MEIS2: variants seen among roughly 807,000 people sequenced by gnomAD.
MEIS2 encodes the protein homeobox protein Meis2.
In MEIS2, 9 loss-of-function variants were observed where a neutral mutation model predicts 58.6. That is an observed-to-expected ratio of 0.15 (90% confidence interval 0.09 to 0.27). MEIS2 has a LOEUF of 0.27. Among genes scored for constraint, MEIS2 ranks in the 10% least tolerant of loss-of-function variants. MEIS2 has a pLI of 1.00. For missense variants in MEIS2, 427 were observed against 635.0 expected (o/e 0.67, Z 3.52); for synonymous variants, 221 against 228.4 (o/e 0.97, Z 0.29).
At chr15:37,055,838 T>C (rs1433273231) in intron 7 of MEIS2, among the ~76,000 whole-genome samples, 1 of 152,202 alleles carries the variant, frequency 6.6e-6, no homozygotes, top group Non-Finnish European at 1.5e-5. Flanking sequence ...TCCCAGTGGT[T>C]ATTTAGGTGC....
chr15:37,041,831 G>C (rs531737319), intron 7 of MEIS2, among the ~76,000 whole-genome samples: 1 of 152,142 alleles, frequency 6.6e-6, no homozygotes, highest in East Asian at 1.9e-4. Context: ...TTTAAAAAAA[G>C]CTTAAAAAAA....
intron 7 of MEIS2, among the ~76,000 whole-genome samples, chr15:37,063,531 G>T (rs146353637): frequency 2.0e-4 from 31 of 152,274 alleles, no homozygotes; most frequent in African/African-American, 7.0e-4. Context: ...AGCTTATGAG[G>T]ATTAAATTAT....
chr15:36,977,584 T>C (rs2059799891), intron 8 of MEIS2, among the ~76,000 whole-genome samples: 1 of 152,180 alleles, frequency 6.6e-6, no homozygotes, highest in Admixed American at 6.5e-5. Flanking sequence ...TGTAGTAAAG[T>C]ATTTAATAGC....
At chr15:37,086,242 C>T (rs552298505) in intron 6 of MEIS2, among the ~76,000 whole-genome samples, 39 of 152,170 alleles carry the variant, frequency 2.6e-4, no homozygotes, top group South Asian at 6.2e-4. Context: ...TATATGAAGC[C>T]GGAGCAAGTC....
At chr15:36,996,001 ATG>A (rs1292078980) in intron 8 of MEIS2, among the ~76,000 whole-genome samples, 30 of 102,784 alleles carry the variant, frequency 2.9e-4, no homozygotes, top group East Asian at 2.3e-3. Context: ...ATATATATAT[ATG>A]TATATATATA....
chr15:37,040,058 T>G (rs1418074982), intron 7 of MEIS2, among the ~76,000 whole-genome samples: 1 of 150,510 alleles, frequency 6.6e-6, no homozygotes, highest in African/African-American at 2.4e-5. Context: ...TTTTTTTTTT[T>G]TTGTTTTAAG....
chr15:37,034,911 A>C (rs553708881), intron 8 of MEIS2, among the ~76,000 whole-genome samples: 16 of 152,146 alleles, frequency 1.1e-4, no homozygotes, highest in Non-Finnish European at 1.6e-4. Context: ...ACCTTCAGCT[A>C]GTAACTTCCC....
intron 9 of MEIS2, among the ~76,000 whole-genome samples, chr15:36,910,870 C>A (rs911666914): frequency 6.6e-6 from 1 of 152,022 alleles, no homozygotes; most frequent in Non-Finnish European, 1.5e-5. Flanking sequence ...CATAGTGAAA[C>A]CCTGTCTCTA....
At chr15:37,031,236 C>A (rs1312505917) in intron 8 of MEIS2, among the ~76,000 whole-genome samples, 5 of 152,202 alleles carry the variant, frequency 3.3e-5, no homozygotes, top group South Asian at 2.1e-4. Flanking sequence ...GGCTCAAGAT[C>A]AAAAATCTAC....
intron 7 of MEIS2, among the ~76,000 whole-genome samples, chr15:37,041,203 T>G (rs1264273692): frequency 6.6e-6 from 1 of 152,162 alleles, no homozygotes; most frequent in African/African-American, 2.4e-5. Context: ...GCTAAAAAAT[T>G]GTGAGAAATG....
At chr15:37,071,943 A>G (rs1477580093) in intron 7 of MEIS2, among the ~76,000 whole-genome samples, 1 of 152,092 alleles carries the variant, frequency 6.6e-6, no homozygotes, top group East Asian at 1.9e-4. Flanking sequence ...TGCATACTTC[A>G]AACACATGGC....
chr15:36,970,255 T>G (rs1435539460), intron 8 of MEIS2, among the ~76,000 whole-genome samples: 1 of 151,822 alleles, frequency 6.6e-6, no homozygotes, highest in Admixed American at 6.6e-5. Flanking sequence ...TACAAAAAAA[T>G]TAGCCAGGCG....
intron 9 of MEIS2, among the ~76,000 whole-genome samples, chr15:36,908,439 T>C (rs961666125): frequency 6.6e-6 from 1 of 152,142 alleles, no homozygotes; most frequent in African/African-American, 2.4e-5. Flanking sequence ...AATAGAGACA[T>C]CAACCTTTGA....
intron 8 of MEIS2, among the ~76,000 whole-genome samples, chr15:36,987,339 C>A (rs2060125105): frequency 2.0e-5 from 3 of 146,906 alleles, no homozygotes; most frequent in African/African-American, 7.6e-5. Flanking sequence ...ACCTGGTATG[C>A]AGAGGTTGCA....
At chr15:36,900,916 T>A (rs1281206031) in intron 9 of MEIS2, 3 of 152,244 alleles carry the variant, frequency 2.0e-5, no homozygotes, top group Admixed American at 1.3e-4. Flanking sequence ...TCTTTCTGGT[T>A]CACTAACTTC....
chr15:37,095,395 G>C (rs1894102794), intron 4 of MEIS2, among the ~76,000 whole-genome samples, 169 bp downstream of exon 4: 1 of 152,170 alleles, frequency 6.6e-6, no homozygotes, highest in Non-Finnish European at 1.5e-5. Context: ...CCTGCTCCTC[G>C]CTCGCCAGCT....
intron 11 of MEIS2, 142 bp downstream of exon 11, chr15:36,895,009 C>T: frequency 4.4e-6 from 4 of 902,648 alleles, no homozygotes; most frequent in Non-Finnish European, 6.9e-6. Flanking sequence ...TTTTCCCCCA[C>T]CCAATGTAAA....
At chr15:37,003,727 CTAA>C (rs1376312660) in intron 8 of MEIS2, among the ~76,000 whole-genome samples, 5 of 152,242 alleles carry the variant, frequency 3.3e-5, no homozygotes, top group Admixed American at 3.3e-4. Flanking sequence ...GGTTGAAATT[CTAA>C]CCCCCAATGT....
rs1894906385 is a variant in MEIS2 at position 37,100,014 on chromosome 15, C to T, written c.-548G>A. On this transcript the variant is annotated 5_prime_UTR_variant, in exon 1 of 12. Transcript: ENST00000561208. ...ATGATGATGAAGAGGAGGAATCTTTCAGACCCGTTTTTTTCTTCCAGTAAA... is the reference window on the plus strand; with the variant it reads ...ATGATGATGAAGAGGAGGAATCTTTTAGACCCGTTTTTTTCTTCCAGTAAA... The T allele has an allele frequency of 6.6e-6, 1 of 152,236 alleles. No homozygotes were observed. The highest frequency in any genetic ancestry group is 1.5e-5 in the Non-Finnish European group (1 of 68,340). 9.4% of individuals were successfully genotyped at this position (152,236 alleles called of 1,614,324 possible).
Sources: allele counts gnomAD v4.1 joint callset (sites outside exome capture counted in the v4.1 genomes callset), GRCh38; gene constraint gnomAD v4.1.1; transcripts MANE v1.5; gene names NCBI Gene and HGNC (gene_info 2026-07-23, HGNC 2026-07-21).